The following LUC7L2 variants were observed in gnomAD, a reference collection of about 807,000 sequenced individuals.
LUC7L2 encodes the protein putative RNA-binding protein Luc7-like 2.
A neutral mutation model predicts 52.8 loss-of-function variants in LUC7L2; 25 were observed. That is an observed-to-expected ratio of 0.47 (90% CI 0.34 to 0.66). The LOEUF (loss-of-function observed/expected upper bound fraction) is 0.66, where lower values mean the gene tolerates loss of function less well. Ranked by LOEUF, LUC7L2 falls within the 30% of genes least tolerant of loss-of-function variation. The pLI is 0.01. For missense variants in LUC7L2, 328 were observed against 497.8 expected (o/e 0.66, Z 3.25); for synonymous variants, 144 against 160.9 (o/e 0.89, Z 0.80).
intron 2 of LUC7L2, among the ~76,000 whole-genome samples, chr7:139,387,699 ATACT>A (rs754106671): frequency 1.3e-5 from 2 of 152,164 alleles, no homozygotes; most frequent in Non-Finnish European, 2.9e-5. Context: ...AAAATCTAAA[ATACT>A]TACCCAGGCT....
chr7:139,353,204 T>C (rs1442893849), intron 1 of LUC7L2, among the ~76,000 whole-genome samples: 2 of 151,984 alleles, frequency 1.3e-5, no homozygotes, highest in South Asian at 2.1e-4. Context: ...CAAAAATTAA[T>C]AGGCACCATG....
At chr7:139,388,899 G>C (rs1235257071) in intron 2 of LUC7L2, among the ~76,000 whole-genome samples, 2 of 151,934 alleles carry the variant, frequency 1.3e-5, no homozygotes, top group Non-Finnish European at 1.5e-5. Flanking sequence ...AAAGAATATT[G>C]AGCTATATTA....
chr7:139,405,002 C>T (rs1795058193), intron 4 of LUC7L2, among the ~76,000 whole-genome samples: 1 of 152,134 alleles, frequency 6.6e-6, no homozygotes, highest in Non-Finnish European at 1.5e-5. Context: ...ACTAGAGATA[C>T]AAAGATGGGA....
At chr7:139,416,259 T>A (rs1304315427) in intron 8 of LUC7L2, 1 of 151,580 alleles carries the variant, frequency 6.6e-6, no homozygotes, top group Non-Finnish European at 1.5e-5. Flanking sequence ...CCATGCCATT[T>A]CCACCCTCAC....
intron 8 of LUC7L2, 44 bp from the exon 9 acceptor site, chr7:139,417,494 T>C (rs768784454): frequency 1.6e-5 from 25 of 1,584,268 alleles, no homozygotes; most frequent in South Asian, 5.6e-5. Flanking sequence ...ATGAGAAATA[T>C]AGTAATTACA....
chr7:139,374,940 C>T (rs1585088037), intron 1 of LUC7L2: 4 of 989,128 alleles, frequency 4.0e-6, no homozygotes, highest in Non-Finnish European at 4.8e-6. Context: ...TGGAGTGCTC[C>T]AGGCATATCA....
intron 3 of LUC7L2, among the ~76,000 whole-genome samples, chr7:139,399,556 G>A (rs1371536275): frequency 7.4e-6 from 1 of 135,330 alleles, no homozygotes. Context: ...TGCAACCTCT[G>A]CCTCCCGGGT....
intron 2 of LUC7L2, among the ~76,000 whole-genome samples, chr7:139,377,237 T>C (rs1432315380): frequency 6.6e-6 from 1 of 152,190 alleles, no homozygotes; most frequent in Non-Finnish European, 1.5e-5. Context: ...AGAGTCTTGC[T>C]CTGTCACCCA....
chr7:139,413,723 A>G (rs1453013237), intron 8 of LUC7L2, among the ~76,000 whole-genome samples: 1 of 152,220 alleles, frequency 6.6e-6, no homozygotes, highest in African/African-American at 2.4e-5. Flanking sequence ...GGTTACAGTA[A>G]GCCGAGATTG....
chr7:139,366,482 T>A (rs1800159238), intron 1 of LUC7L2, among the ~76,000 whole-genome samples: 1 of 117,576 alleles, frequency 8.5e-6, no homozygotes, highest in Non-Finnish European at 1.6e-5. Flanking sequence ...TTAAAGTAAC[T>A]TTAATAGTTT....
chr7:139,381,818 T>G (rs1021130726), intron 2 of LUC7L2, among the ~76,000 whole-genome samples: 17 of 151,150 alleles, frequency 1.1e-4, no homozygotes, highest in African/African-American at 1.9e-4. Flanking sequence ...TCAGGTGATC[T>G]GCCCGCCTCA....
chr7:139,407,153 GT>G lies in LUC7L2; in HGVS notation c.511-16del, dbSNP rs757817105. On this transcript the variant is annotated intron_variant, in intron 5 of 9. Coordinates refer to ENST00000354926, the MANE Select transcript of LUC7L2 (RefSeq NM_016019.5). ...TTTTAGTGAGATTTATATGGTCATT[GT>G]TTTTCTCACTTTTGTTTAGGAAGTT... 1 of 1,598,484 alleles carries G rather than the reference GT, an allele frequency of 6.3e-7. No homozygotes were observed. Among genetic ancestry groups the G allele is most frequent in the Non-Finnish European group, 8.5e-7 (1 of 1,171,324 alleles).
intron 1 of LUC7L2, 169 bp from the exon 2 acceptor site, chr7:139,375,893 T>C (rs1487644342): frequency 1.8e-5 from 11 of 626,662 alleles, no homozygotes; most frequent in Non-Finnish European, 2.9e-5. Flanking sequence ...TGCAACTGCA[T>C]GTTGTCTAAA....
At chr7:139,377,572 T>C (rs1450077732) in intron 2 of LUC7L2, among the ~76,000 whole-genome samples, 1 of 152,066 alleles carries the variant, frequency 6.6e-6, no homozygotes, top group Non-Finnish European at 1.5e-5. Flanking sequence ...TTTTGTATTT[T>C]TAGTAGAGAT....
rs749237717 is a variant in LUC7L2, at chr7:139,422,138, T to C, written c.1002-25T>C. 1.9e-6 allele frequency: 3 copies of C among 1,578,914 alleles called. No individual in the cohort carries two copies. In the Admixed American group the frequency reaches 5.9e-5, roughly 31 times the overall value. On this transcript the variant is annotated intron_variant, in intron 9 of 9. Transcript: ENST00000354926. ...GGTTTTTGGGTTTCCCAACATATTT[T>C]GCTCCTCAAATTAATATTTTTCAGA...
intron 9 of LUC7L2, among the ~76,000 whole-genome samples, chr7:139,418,983 T>G (rs1396620750): frequency 3.9e-5 from 6 of 152,032 alleles, no homozygotes; most frequent in Admixed American, 2.6e-4. Flanking sequence ...TGGTGGCACA[T>G]GCCTGTAATC....
chr7:139,419,724 G>A (rs1284710111), intron 9 of LUC7L2, among the ~76,000 whole-genome samples: 1 of 152,120 alleles, frequency 6.6e-6, no homozygotes, highest in Non-Finnish European at 1.5e-5. Context: ...TGATGAAGTT[G>A]TATAGGAATT....
intron 1 of LUC7L2, among the ~76,000 whole-genome samples, chr7:139,372,453 C>CT (rs1222761551): frequency 6.6e-6 from 1 of 151,736 alleles, no homozygotes; most frequent in Non-Finnish European, 1.5e-5. Flanking sequence ...GGTTGTAGTG[C>CT]TTTTTTTTCT....
chr7:139,373,002 C>T (rs1478872040), intron 1 of LUC7L2, among the ~76,000 whole-genome samples: 1 of 152,210 alleles, frequency 6.6e-6, no homozygotes, highest in East Asian at 1.9e-4. Flanking sequence ...TTTATGCCCA[C>T]AAAACCCAAA....
Sources: gnomAD v4.1 joint callset for allele counts (sites outside exome capture counted in the v4.1 genomes callset) on GRCh38, gnomAD v4.1.1 for gene constraint, MANE v1.5 for transcripts, NCBI Gene and HGNC (gene_info 2026-07-23, HGNC 2026-07-21) for gene names.